The following GPR158 variants were observed in gnomAD, a reference collection of about 807,000 sequenced individuals.
GPR158 encodes the protein metabotropic glycine receptor.
In GPR158, 30 loss-of-function variants were observed where a neutral mutation model predicts 78.2. The ratio of observed to expected loss-of-function variants is 0.38; its 90% confidence interval spans 0.29 to 0.52. The LOEUF is 0.52. Ranked by LOEUF, GPR158 falls within the 20% of genes least tolerant of loss-of-function variation. The probability of loss-of-function intolerance (pLI) is 0.83; values close to 1 mark genes in which losing one functional copy is unlikely to be tolerated. For synonymous variants in GPR158, 581 were observed against 591.1 expected (o/e 0.98, Z 0.25); for missense variants, 1,463 against 1,523.5 (o/e 0.96, Z 0.66).
intron 4 of GPR158, among the ~76,000 whole-genome samples, chr10:25,434,335 C>T (rs995849516): frequency 6.6e-6 from 1 of 152,162 alleles, no homozygotes; most frequent in African/African-American, 2.4e-5. Flanking sequence ...ACCACATTCT[C>T]TTGAGGTACT....
intron 2 of GPR158, among the ~76,000 whole-genome samples, chr10:25,260,155 T>C (rs895368558): frequency 2.6e-5 from 4 of 152,170 alleles, no homozygotes; most frequent in African/African-American, 9.6e-5. Flanking sequence ...CACATAACAT[T>C]TGCGATAGAT....
rs1564399667 is a variant in GPR158, at chr10:25,241,317, TTCTC to T, written c.1008+20162_1008+20165del. ...TTCTTTTCTTTTCTTTTCTTTTCTC[TTCTC>T]TTCTCTTCTCTTCTCTTTTCTCTTT... On this transcript the variant is annotated intron_variant, in intron 2 of 10. Transcript: ENST00000376351. 2.9e-3 allele frequency among the ~76,000 whole-genome samples: 390 copies of T among 136,828 alleles called. 19 individuals are homozygous for T. Among genetic ancestry groups the T allele is most frequent in the African/African-American group, 0.012 (373 of 31,226 alleles). 89.8% of individuals were successfully genotyped at this position (136,828 alleles called of 152,430 possible).
At chr10:25,572,410 T>C (rs564826952) in intron 6 of GPR158, among the ~76,000 whole-genome samples, 1 of 152,308 alleles carries the variant, frequency 6.6e-6, no homozygotes, top group Admixed American at 6.5e-5. Context: ...AGAGGAATGC[T>C]TGAGCCAGGA....
intron 4 of GPR158, among the ~76,000 whole-genome samples, chr10:25,421,565 G>C (rs12778609): frequency 0.063 from 9,563 of 151,976 alleles, 679 homozygotes; most frequent in African/African-American, 0.18. Flanking sequence ...ACCCAATATA[G>C]GATGATGTTA....
chr10:25,526,973 GA>G (rs1836356237), intron 5 of GPR158, among the ~76,000 whole-genome samples: 1 of 152,188 alleles, frequency 6.6e-6, no homozygotes, highest in Admixed American at 6.5e-5. Context: ...ACAGTCATAA[GA>G]AAATTGGAAT....
At chr10:25,386,067 T>A (rs893213311) in intron 2 of GPR158, among the ~76,000 whole-genome samples, 2 of 152,196 alleles carry the variant, frequency 1.3e-5, no homozygotes, top group African/African-American at 4.8e-5. Context: ...TTCCCATTTT[T>A]CTTCCAGAGT....
chr10:25,200,864 T>G (rs1383171542), intron 1 of GPR158, among the ~76,000 whole-genome samples: 1 of 128,306 alleles, frequency 7.8e-6, no homozygotes, highest in Non-Finnish European at 1.6e-5. Flanking sequence ...CTGTTTTTTG[T>G]TTTGTTTTTT....
At chr10:25,321,687 C>G (rs1228494517) in intron 2 of GPR158, among the ~76,000 whole-genome samples, 1 of 152,088 alleles carries the variant, frequency 6.6e-6, no homozygotes, top group East Asian at 1.9e-4. Flanking sequence ...ACTGAATAGA[C>G]CAGCAGGCAA....
intron 4 of GPR158, among the ~76,000 whole-genome samples, chr10:25,452,017 T>TTTTGGTTTGG (rs142615047): frequency 5.3e-5 from 8 of 151,272 alleles, no homozygotes; most frequent in Admixed American, 3.3e-4. Context: ...TTTTGTTTTG[T>TTTTGGTTTGG]TTTGGTTTGG....
intron 2 of GPR158, among the ~76,000 whole-genome samples, chr10:25,271,246 A>G (rs934491863): frequency 6.6e-6 from 1 of 152,188 alleles, no homozygotes; most frequent in Non-Finnish European, 1.5e-5. Context: ...TACTTGCTTT[A>G]ATGGCATCCT....
chr10:25,443,208 C>T (rs1835091392), intron 4 of GPR158, among the ~76,000 whole-genome samples: 1 of 152,118 alleles, frequency 6.6e-6, no homozygotes, highest in Non-Finnish European at 1.5e-5. Context: ...GCTTCAGCCT[C>T]CTGAGTAGCT....
At position 25,254,970 on chromosome 10, in the gene GPR158, G is replaced by T. The variant is rs546801620; in HGVS notation, c.1008+33813G>T. On this transcript the variant is annotated intron_variant, in intron 2 of 10. Coordinates refer to ENST00000376351, the MANE Select transcript of GPR158 (RefSeq NM_020752.3). ...AGAAAGTCTTCGAGTAGTCCTTCTG[G>T]GTCTATTACTTCCTGGAAATTCTTG... is the stretch of plus-strand genomic sequence containing the variant. Among the ~76,000 whole-genome samples the T allele has an allele frequency of 7.6e-4, 115 of 152,118 alleles. 2 individuals are homozygous for T. Among genetic ancestry groups the T allele is most frequent in the African/African-American group, 2.7e-3 (111 of 41,516 alleles).
intron 2 of GPR158, among the ~76,000 whole-genome samples, chr10:25,332,056 G>A (rs926725981): frequency 2.6e-5 from 4 of 152,122 alleles, no homozygotes; most frequent in African/African-American, 9.7e-5. Context: ...AGTACATGCT[G>A]TATGGCTCTG....
chr10:25,405,228 A>G (rs1834496830), intron 3 of GPR158, among the ~76,000 whole-genome samples: 1 of 151,878 alleles, frequency 6.6e-6, no homozygotes, highest in African/African-American at 2.4e-5. Context: ...TCTAAGTCCA[A>G]TTTAGAAATA....
chr10:25,450,851 C>T (rs1588870407), intron 4 of GPR158, among the ~76,000 whole-genome samples: 1 of 152,234 alleles, frequency 6.6e-6, no homozygotes, highest in East Asian at 1.9e-4. Context: ...TTCTATTTAT[C>T]TTTTCCAAAT....
Position 25,175,172 on chromosome 10 carries a change from A to T in GPR158, c.-249A>T. The T allele has an allele frequency of 2.3e-6, 1 of 436,672 alleles. No individual in the cohort carries two copies. The highest frequency in any genetic ancestry group is 4.1e-6 in the Non-Finnish European group (1 of 245,852). 27.0% of individuals were successfully genotyped at this position (436,672 alleles called of 1,614,324 possible). On this transcript the variant is annotated 5_prime_UTR_variant, in exon 1 of 11. The change abolishes the stop of an existing upstream ORF in the 5' untranslated region. Transcript: ENST00000376351. The surrounding 1 kb of genome is among the most constrained non-coding windows in gnomAD (Gnocchi z 6.4). ...CTCGGCTCCAGGCTGCGAGGTGCGT[A>T]ATCCCCAGCCGGCCCCTCGCGCAGC...
chr10:25,221,077 C>A lies in GPR158; in HGVS notation c.928C>A (p.Leu310Ile). The A allele has an allele frequency of 6.3e-7, 1 of 1,589,746 alleles. No individual in the cohort carries two copies. The highest frequency in any genetic ancestry group is 8.6e-7 in the Non-Finnish European group (1 of 1,160,284). Residue 310 changes from leucine to isoleucine, a missense_variant, in exon 2 of 11, where the codon CTT (leucine) becomes ATT (isoleucine). Transcript: ENST00000376351. Reference protein sequence around the residue: ...FRGVMKVDINLQKVDIDQCSS... With the variant: ...FRGVMKVDINIQKVDIDQCSS... The stretch of plus-strand genomic sequence containing the variant: ...GGGTGTCATGAAAGTTGACATAAAT[C>A]TTCAGAAAGTGGACATTGACCAATG...
intron 2 of GPR158, among the ~76,000 whole-genome samples, chr10:25,273,132 C>T (rs1001220289): frequency 6.6e-6 from 1 of 152,182 alleles, no homozygotes; most frequent in African/African-American, 2.4e-5. Flanking sequence ...CCTGAAAATG[C>T]ACCTTCCACA....
At chr10:25,228,421 G>T (rs1443131629) in intron 2 of GPR158, among the ~76,000 whole-genome samples, 1 of 152,004 alleles carries the variant, frequency 6.6e-6, no homozygotes, top group Non-Finnish European at 1.5e-5. Context: ...GCATAATAAA[G>T]AATTGGGTAA....
Sources: allele counts gnomAD v4.1 joint callset (sites outside exome capture counted in the v4.1 genomes callset), GRCh38; gene constraint gnomAD v4.1.1; non-coding constraint Gnocchi (gnomAD v3.1); transcripts MANE v1.5; gene names NCBI Gene and HGNC (gene_info 2026-07-23, HGNC 2026-07-21).